The following RBM39 variants were observed in gnomAD, a reference collection of about 807,000 sequenced individuals.
RBM39 encodes the protein RNA binding motif protein 39, also known as RNA-binding protein 39.
A neutral mutation model predicts 79.6 loss-of-function variants in RBM39; 12 were observed. That is an observed-to-expected ratio of 0.15 (90% CI 0.10 to 0.24). The LOEUF (loss-of-function observed/expected upper bound fraction) is 0.24. Among genes scored for constraint, RBM39 ranks in the 10% least tolerant of loss-of-function variants. The pLI is 1.00. For synonymous variants in RBM39, 185 were observed against 208.4 expected, an observed-to-expected ratio of 0.89 and a Z score of 0.97; for missense variants, 243 against 653.4, an observed-to-expected ratio of 0.37 and a Z score of 6.85.
rs1334243510 is a variant in RBM39 at position 35,721,849 on chromosome 20, G to A, written c.716C>T (p.Ala239Val). The change falls in exon 9 of 17, where the codon GCA (alanine) becomes GTA (valine). Residue 239 changes from alanine (A) to valine (V), a missense_variant. Ala to Val is a moderately conservative substitution (Grantham distance 64). Coordinates refer to ENST00000253363, the MANE Select transcript of RBM39 (RefSeq NM_184234.3). ...QAEKNRAAAMANNLQKGSAGP... is the reference protein window; with the variant it reads ...QAEKNRAAAMVNNLQKGSAGP... Reference sequence around the variant, plus strand: ...AGCACTTCCCTTTTGTAAATTGTTTGCCATTGCTGCAGCTCTGTTTTTTTC... The same window carrying A: ...AGCACTTCCCTTTTGTAAATTGTTTACCATTGCTGCAGCTCTGTTTTTTTC... 4 of 1,613,864 alleles carry A rather than the reference G, an allele frequency of 2.5e-6. No homozygotes were observed. The highest frequency in any genetic ancestry group is 1.7e-5 in the Admixed American group (1 of 60,000).
At position 35,725,756 on chromosome 20, in the gene RBM39, T is replaced by C. The variant is rs528647355; in HGVS notation, c.417-601A>G. Among the ~76,000 whole-genome samples the C allele has an allele frequency of 3.4e-5, 5 of 148,806 alleles. No individual in the cohort carries two copies. In the East Asian group the frequency reaches 8.4e-4, roughly 25 times the overall value. On this transcript the variant is annotated intron_variant, in intron 6 of 16. Coordinates refer to ENST00000253363, the MANE Select transcript of RBM39 (RefSeq NM_184234.3). ...TGGCTCACCACAACCTCCGCCTCCCTGAGTTCAAGCAATTCTGCTGCCTCA... is the reference window on the plus strand; with the variant it reads ...TGGCTCACCACAACCTCCGCCTCCCCGAGTTCAAGCAATTCTGCTGCCTCA...
intron 4 of RBM39, among the ~76,000 whole-genome samples, chr20:35,731,108 G>C (rs976493877): frequency 6.6e-6 from 1 of 152,036 alleles, no homozygotes; most frequent in South Asian, 2.1e-4. Flanking sequence ...CAAGTGATTC[G>C]GGTCTGTTTG....
At chr20:35,722,412 A>T (rs2038061083) in intron 8 of RBM39, among the ~76,000 whole-genome samples, 1 of 133,870 alleles carries the variant, frequency 7.5e-6, no homozygotes, top group Non-Finnish European at 1.5e-5. Flanking sequence ...GTCTCAAAAA[A>T]AATAAAAATA....
At chr20:35,735,421 TAAG>T (rs955993481) in intron 3 of RBM39, among the ~76,000 whole-genome samples, 1 of 152,224 alleles carries the variant, frequency 6.6e-6, no homozygotes, top group Non-Finnish European at 1.5e-5. Context: ...AAGTGTATGT[TAAG>T]AATCAGAATT....
intron 10 of RBM39, among the ~76,000 whole-genome samples, chr20:35,715,540 C>G (rs1220244212): frequency 1.3e-5 from 2 of 152,048 alleles, no homozygotes; most frequent in Non-Finnish European, 2.9e-5. Context: ...AAAAAAGGAT[C>G]TTTAGTAAAA....
intron 9 of RBM39, among the ~76,000 whole-genome samples, chr20:35,719,594 T>C (rs1387591954): frequency 6.6e-6 from 1 of 151,806 alleles, no homozygotes; most frequent in South Asian, 2.1e-4. Context: ...GGAGAATCAA[T>C]TGAACCTGGG....
chr20:35,722,521 A>G (rs1003433073), intron 8 of RBM39, among the ~76,000 whole-genome samples: 1 of 138,726 alleles, frequency 7.2e-6, no homozygotes, highest in Non-Finnish European at 1.5e-5. Flanking sequence ...TTGAACTCCT[A>G]AACTTAAGTG....
At chr20:35,738,386 A>G (rs2040200954) in intron 3 of RBM39, among the ~76,000 whole-genome samples, 1 of 152,210 alleles carries the variant, frequency 6.6e-6, no homozygotes, top group Non-Finnish European at 1.5e-5. Flanking sequence ...TTACCCAAAT[A>G]AAGTGTACAG....
chr20:35,704,890 T>C (rs2035531603), intron 15 of RBM39, 144 bp from the exon 16 acceptor site: 1 of 657,866 alleles, frequency 1.5e-6, no homozygotes, highest in African/African-American at 1.8e-5. Flanking sequence ...CTAATAGGTA[T>C]ACTAGAATTT....
In RBM39 at chr20:35,735,891, C is replaced by T. The variant is rs1447075280; in HGVS notation, c.101+3077G>A. On this transcript the variant is annotated intron_variant, in intron 3 of 16. Coordinates refer to ENST00000253363, the MANE Select transcript of RBM39 (RefSeq NM_184234.3). The stretch of plus-strand genomic sequence containing the variant: ...TGTGGTTCTCTACATTAGACAAAGG[C>T]CACCGAATATCACACATGGAGAACT... Among the ~76,000 whole-genome samples the T allele has an allele frequency of 2.0e-5, 3 of 152,276 alleles. No homozygotes were observed. In the East Asian group the frequency reaches 5.8e-4, roughly 29 times the overall value.
In RBM39 at chr20:35,739,029, T is replaced by G. The variant is rs1361116975; in HGVS notation, c.52-12A>C. The G allele has an allele frequency of 6.2e-7, 1 of 1,608,144 alleles. No homozygotes were observed. Among genetic ancestry groups the G allele is most frequent in the South Asian group, 1.1e-5 (1 of 90,934 alleles). On this transcript the variant is annotated splice_polypyrimidine_tract_variant and intron_variant, in intron 2 of 16. Transcript: ENST00000253363. Reference sequence around the variant, plus strand: ...AACTTGTTCTCATCCTAAGCAGGGTTGATAGAAGAACATCATGAGGACGAA... The same window carrying G: ...AACTTGTTCTCATCCTAAGCAGGGTGGATAGAAGAACATCATGAGGACGAA...
intron 3 of RBM39, chr20:35,735,112 A>G: frequency 6.7e-7 from 1 of 1,492,048 alleles, no homozygotes; most frequent in Non-Finnish European, 8.9e-7. Flanking sequence ...TAGAAAAGTC[A>G]TTTATTCCAA....
chr20:35,717,543 GAATGAATTTGGCAATATAC>G (rs1384144321), intron 9 of RBM39, among the ~76,000 whole-genome samples: 3 of 152,032 alleles, frequency 2.0e-5, no homozygotes, highest in South Asian at 4.1e-4. Flanking sequence ...CGTAAAAATG[GAATGAATTTGGCAATATAC>G]AATGAATTTG....
At chr20:35,722,521 A>C (rs1003433073) in intron 8 of RBM39, among the ~76,000 whole-genome samples, 11 of 138,758 alleles carry the variant, frequency 7.9e-5, no homozygotes, top group African/African-American at 3.1e-4. Flanking sequence ...TTGAACTCCT[A>C]AACTTAAGTG....
intron 3 of RBM39, among the ~76,000 whole-genome samples, chr20:35,733,073 C>A (rs2039538772): frequency 6.6e-6 from 1 of 152,044 alleles, no homozygotes; most frequent in Non-Finnish European, 1.5e-5. Flanking sequence ...GAGGCCGAGG[C>A]AGGCAGATCA....
In RBM39 at chr20:35,729,510, T is replaced by C. The variant is rs1333916071; in HGVS notation, c.314A>G (p.Asn105Ser). 1.9e-6 allele frequency: 3 copies of C among 1,613,976 alleles called. No individual in the cohort carries two copies. The highest frequency in any genetic ancestry group is 2.5e-6 in the Non-Finnish European group (3 of 1,180,006). ...CCCAATCTTTCCTCGGATGGCACTGTTAAATTTTGGTCCGGAGCTAAAAAG... is the reference window on the plus strand; with the variant it reads ...CCCAATCTTTCCTCGGATGGCACTGCTAAATTTTGGTCCGGAGCTAAAAAG... Reference protein sequence around the residue: ...YRSPYSGPKFNSAIRGKIGLP... With the variant: ...YRSPYSGPKFSSAIRGKIGLP... The change falls in exon 5 of 17, where the codon AAC (asparagine) becomes AGC (serine). Residue 105 changes from asparagine to serine, a missense_variant. Around this residue, in one of 4 missense-constraint regions of RBM39, gnomAD observed 115 missense variants for 184.1 expected, o/e 0.62. Coordinates refer to ENST00000253363, the MANE Select transcript of RBM39 (RefSeq NM_184234.3).
chr20:35,737,943 C>G (rs2040136099), intron 3 of RBM39, among the ~76,000 whole-genome samples: 1 of 150,042 alleles, frequency 6.7e-6, no homozygotes, highest in South Asian at 2.1e-4. Flanking sequence ...CATGAGAGGT[C>G]AGGAGATGGA....
At chr20:35,723,303 T>C (rs1043675837) in intron 8 of RBM39, among the ~76,000 whole-genome samples, 36 of 151,946 alleles carry the variant, frequency 2.4e-4, no homozygotes, top group African/African-American at 7.5e-4. Flanking sequence ...CTAGAGTACA[T>C]TGGATAGTAC....
At chr20:35,737,609 T>C (rs1209003388) in intron 3 of RBM39, among the ~76,000 whole-genome samples, 1 of 151,400 alleles carries the variant, frequency 6.6e-6, no homozygotes, top group Non-Finnish European at 1.5e-5. Context: ...ACACCTGTAA[T>C]CCCAGCACTT....
Sources: gnomAD v4.1 joint callset for allele counts (sites outside exome capture counted in the v4.1 genomes callset) on GRCh38, gnomAD v4.1.1 for gene constraint, gnomAD v4.1.1 regional missense constraint, MANE v1.5 for transcripts, NCBI Gene and HGNC (gene_info 2026-07-23, HGNC 2026-07-21) for gene names.